Variants in RP1 observed in about 807,000 individuals in gnomAD.
The protein encoded by RP1 is RP1 axonemal microtubule associated.
RP1 carries 16 observed loss-of-function variants against 14.8 expected under a neutral mutation model. The observed-to-expected ratio is 1.08, with a 90% CI of 0.73 to 1.65. RP1 has a LOEUF of 1.65. Ranked by LOEUF, RP1 falls within the 40% of genes most tolerant of loss-of-function variation. RP1 has a pLI of 0.00. For missense variants in RP1, 2,631 were observed against 2,535.0 expected (o/e 1.04, Z -0.81); for synonymous variants, 876 against 883.6 (o/e 0.99, Z 0.15).
intron 24 of RP1, among the ~76,000 whole-genome samples, chr8:54,801,439 T>C (rs1398254046): frequency 1.3e-5 from 2 of 152,186 alleles, no homozygotes; most frequent in Non-Finnish European, 2.9e-5. Context: ...TCACAGACTT[T>C]TTTTTCATGG....
chr8:54,763,910 T>C (rs117124141), intron 22 of RP1, among the ~76,000 whole-genome samples: 5 of 152,294 alleles, frequency 3.3e-5, no homozygotes, highest in African/African-American at 7.2e-5. Flanking sequence ...TTCATGACTT[T>C]AAAATTTTTT....
chr8:54,658,858 A>G (rs1197337319), intron 6 of RP1, among the ~76,000 whole-genome samples: 1 of 147,374 alleles, frequency 6.8e-6, no homozygotes, highest in Non-Finnish European at 1.5e-5. Flanking sequence ...AAGGGTTCCA[A>G]TTTCTCTGCA....
At chr8:54,605,398 G>T (rs1030774849) in intron 1 of RP1, among the ~76,000 whole-genome samples, 4 of 152,172 alleles carry the variant, frequency 2.6e-5, no homozygotes, top group African/African-American at 9.7e-5. Flanking sequence ...ACTGTGGTCT[G>T]AGAGAGAGTT....
At position 54,622,236 on chromosome 8, in the gene RP1, G is replaced by A. The variant is rs1462035462; in HGVS notation, c.735G>A (p.Gly245=). The part of the protein sequence containing the change: ...QKYLLPARLP[G]ISQRVYPKGN... ...ACTTGCTTCCTGCTAGATTACCAGG[G>A]ATCTCTCAGCGTGTGTACCCCAAGG... Residue 245 remains glycine, a synonymous_variant, in exon 3 of 4, where the codon GGG becomes GGA. Transcript: ENST00000220676. The A allele has an allele frequency of 1.2e-6, 2 of 1,614,094 alleles. No homozygotes were observed. The highest frequency in any genetic ancestry group is 8.5e-7 in the Non-Finnish European group (1 of 1,180,008).
intron 17 of RP1, among the ~76,000 whole-genome samples, chr8:54,734,321 T>C (rs1808861587): frequency 6.6e-6 from 1 of 152,134 alleles, no homozygotes; most frequent in South Asian, 2.1e-4. Context: ...CAGATGTTTA[T>C]TGTTCGAATC....
intron 7 of RP1, among the ~76,000 whole-genome samples, chr8:54,670,167 A>T (rs1807120472): frequency 6.6e-6 from 1 of 152,078 alleles, no homozygotes; most frequent in Admixed American, 6.6e-5. Context: ...ATATTATTTT[A>T]ATTTTCTTAA....
At chr8:54,819,712 C>T (rs1419523291) in intron 24 of RP1, among the ~76,000 whole-genome samples, 1 of 152,122 alleles carries the variant, frequency 6.6e-6, no homozygotes, top group Admixed American at 6.5e-5. Context: ...AGCAATGCTG[C>T]AACTCTTGCA....
At chr8:54,837,226 T>C (rs948557042) in intron 24 of RP1, among the ~76,000 whole-genome samples, 6 of 152,202 alleles carry the variant, frequency 3.9e-5, no homozygotes, top group African/African-American at 1.4e-4. Flanking sequence ...AGAAAGGATG[T>C]AATGAAAACT....
intron 19 of RP1, among the ~76,000 whole-genome samples, chr8:54,746,359 C>T (rs1013167154): frequency 2.0e-5 from 3 of 152,158 alleles, no homozygotes; most frequent in African/African-American, 7.2e-5. Flanking sequence ...CATTCAGAGT[C>T]TTAAACTTTT....
At chr8:54,599,597 G>A (rs1805228002) in intron 1 of RP1, among the ~76,000 whole-genome samples, 1 of 151,912 alleles carries the variant, frequency 6.6e-6, no homozygotes, top group Admixed American at 6.6e-5. Flanking sequence ...TAGGCTACAG[G>A]TGCACATCAC....
At chr8:54,601,440 G>T (rs1425018592) in intron 1 of RP1, among the ~76,000 whole-genome samples, 1 of 132,078 alleles carries the variant, frequency 7.6e-6, no homozygotes, top group Non-Finnish European at 1.6e-5. Context: ...GGGGAGGGGG[G>T]AGGGATAGCA....
At chr8:54,654,858 G>A (rs1051739269) in intron 5 of RP1, among the ~76,000 whole-genome samples, 1 of 152,240 alleles carries the variant, frequency 6.6e-6, no homozygotes, top group African/African-American at 2.4e-5. Context: ...TGTTGCCCTG[G>A]TTGGTCTCAA....
chr8:54,736,844 CTG>C (rs1300842329), intron 18 of RP1, among the ~76,000 whole-genome samples: 1 of 152,122 alleles, frequency 6.6e-6, no homozygotes, highest in Non-Finnish European at 1.5e-5. Context: ...CCCAGGTAAT[CTG>C]TGTGTGCACT....
chr8:54,702,556 G>T (rs138887924), intron 14 of RP1, among the ~76,000 whole-genome samples: 3 of 152,094 alleles, frequency 2.0e-5, no homozygotes, highest in Non-Finnish European at 4.4e-5. Context: ...TTGCTGTAGC[G>T]GGGGGTCTTG....
intron 7 of RP1, among the ~76,000 whole-genome samples, chr8:54,671,858 T>G (rs1188438429): frequency 6.6e-6 from 1 of 152,182 alleles, no homozygotes; most frequent in Non-Finnish European, 1.5e-5. Context: ...CATTCATTTC[T>G]TTGATCGGGC....
chr8:54,760,471 T>G (rs936903549), intron 22 of RP1, among the ~76,000 whole-genome samples: 1 of 152,218 alleles, frequency 6.6e-6, no homozygotes, highest in African/African-American at 2.4e-5. Flanking sequence ...ATTGTATAGC[T>G]TTGCCTGAAA....
intron 3 of RP1, among the ~76,000 whole-genome samples, chr8:54,640,646 A>G (rs1383033925): frequency 1.3e-5 from 2 of 152,114 alleles, no homozygotes; most frequent in Non-Finnish European, 2.9e-5. Context: ...AACATGCAGA[A>G]GAGTCCTAGA....
chr8:54,805,548 T>C (rs1469108063), intron 24 of RP1, among the ~76,000 whole-genome samples: 1 of 152,198 alleles, frequency 6.6e-6, no homozygotes, highest in Admixed American at 6.5e-5. Context: ...CCCTGTGAAT[T>C]TGTGCCATGT....
At chr8:54,856,240 G>C (rs1235319128) in intron 26 of RP1, among the ~76,000 whole-genome samples, 2 of 152,092 alleles carry the variant, frequency 1.3e-5, no homozygotes, top group African/African-American at 4.8e-5. Context: ...CCCAGACAAG[G>C]CAAAACAAAA....
Sources: gnomAD v4.1 joint callset for allele counts (sites outside exome capture counted in the v4.1 genomes callset) on GRCh38, gnomAD v4.1.1 for gene constraint, MANE v1.5 for transcripts, NCBI Gene and HGNC (gene_info 2026-07-23, HGNC 2026-07-21) for gene names.